Variants in KLHL18 observed in about 807,000 individuals in gnomAD.
KLHL18 encodes the protein kelch like family member 18.
KLHL18 carries 38 observed loss-of-function variants against 58.5 expected under a neutral mutation model. The ratio of observed to expected loss-of-function variants is 0.65; its 90% CI spans 0.50 to 0.85. The LOEUF (loss-of-function observed/expected upper bound fraction) is 0.85. Among genes scored for constraint, KLHL18 ranks in the 40% least tolerant of loss-of-function variants. The pLI is 0.00. For synonymous variants in KLHL18, 303 were observed against 301.9 expected, an observed-to-expected ratio of 1.00 and a Z score of -0.04; for missense variants, 624 against 778.4, an observed-to-expected ratio of 0.80 and a Z score of 2.36.
At position 47,330,077 on chromosome 3, in the gene KLHL18, C is replaced by G. The variant is rs1703819709; in HGVS notation, c.528C>G (p.Phe176Leu). 1 of 1,614,042 alleles carries G rather than the reference C, an allele frequency of 6.2e-7. No homozygotes were observed. Among genetic ancestry groups the G allele is most frequent in the Non-Finnish European group, 8.5e-7 (1 of 1,180,048 alleles). The change falls in exon 4 of 10, where the codon TTC becomes TTG. Residue 176 changes from phenylalanine to leucine, a missense_variant. By Grantham distance (22) the Phe-to-Leu change is conservative (BLOSUM62 0). Transcript: ENST00000232766. ...TGGAGGTGTCCATGTCAGAAGAGTT[C>G]CTGGCCCTGCCCTTGGAAGACGTGC... Reference protein sequence around the residue: ...HFVEVSMSEEFLALPLEDVLE... With the variant: ...HFVEVSMSEELLALPLEDVLE...
At chr3:47,336,246 G>A (rs1200290761) in intron 6 of KLHL18, among the ~76,000 whole-genome samples, 1 of 152,162 alleles carries the variant, frequency 6.6e-6, no homozygotes, top group East Asian at 1.9e-4. Context: ...AGGAAATATT[G>A]TATCGATTCA....
At chr3:47,291,060 C>T (rs1216258271) in intron 1 of KLHL18, among the ~76,000 whole-genome samples, 1 of 152,192 alleles carries the variant, frequency 6.6e-6, no homozygotes, top group African/African-American at 2.4e-5. Flanking sequence ...GGCTGGCTGA[C>T]TGGCTCGCCA....
intron 7 of KLHL18, among the ~76,000 whole-genome samples, chr3:47,340,238 G>A (rs745697142): frequency 6.6e-6 from 1 of 152,182 alleles, no homozygotes; most frequent in South Asian, 2.1e-4. Flanking sequence ...GTGGGAAAGA[G>A]TAATTCTTAC....
intron 1 of KLHL18, among the ~76,000 whole-genome samples, chr3:47,297,874 G>A (rs1242656764): frequency 6.6e-6 from 1 of 152,184 alleles, no homozygotes; most frequent in Non-Finnish European, 1.5e-5. Context: ...GTGTGCTGTA[G>A]TGGACGCTTG....
chr3:47,326,064 C>T (rs1335607281), intron 3 of KLHL18, among the ~76,000 whole-genome samples: 5 of 152,222 alleles, frequency 3.3e-5, no homozygotes, highest in Non-Finnish European at 7.3e-5. Context: ...TCTCCTGCCT[C>T]AGCCTCCGGA....
intron 3 of KLHL18, among the ~76,000 whole-genome samples, chr3:47,323,292 A>T (rs369184254): frequency 1.3e-5 from 2 of 152,068 alleles, no homozygotes; most frequent in East Asian, 3.9e-4. Context: ...TGGTTTTGCC[A>T]TGTTGCCCAG....
chr3:47,282,980 C>A lies in KLHL18; in HGVS notation c.15C>A (p.Gly5=), dbSNP rs760875559. ...GGCCGGGGAAGATGGTGGAGGACGG[C>A]GCGGAGGAGCTGGAGGATCTGGTGC... MVED[G]AEELEDLVHF... Residue 5 remains glycine, a synonymous_variant, in exon 1 of 10, where the codon GGC becomes GGA. Coordinates refer to ENST00000232766, the MANE Select transcript of KLHL18 (RefSeq NM_025010.5). 6.2e-7 allele frequency: 1 copy of A among 1,610,502 alleles called. No homozygotes were observed. Among genetic ancestry groups the A allele is most frequent in the Non-Finnish European group, 8.5e-7 (1 of 1,178,736 alleles).
chr3:47,308,128 A>T (rs1431649202), intron 1 of KLHL18, among the ~76,000 whole-genome samples: 1 of 152,130 alleles, frequency 6.6e-6, no homozygotes, highest in Non-Finnish European at 1.5e-5. Context: ...ATGCACTTTC[A>T]GCATCCTTTG....
intron 1 of KLHL18, among the ~76,000 whole-genome samples, chr3:47,310,486 C>T (rs1023521372): frequency 6.6e-6 from 1 of 152,172 alleles, no homozygotes; most frequent in African/African-American, 2.4e-5. Flanking sequence ...CGAGTTCTCT[C>T]CCTGAATGAT....
Position 47,330,136 on chromosome 3 carries a change from A to C in KLHL18, c.587A>C (p.Lys196Thr). 1 of 1,614,126 alleles carries C rather than the reference A, an allele frequency of 6.2e-7. No individual in the cohort carries two copies. The highest frequency in any genetic ancestry group is 2.2e-5 in the East Asian group (1 of 44,886). Reference protein sequence around the residue: ...ELVSRDELNVKSEEQVFEAAL... With the variant: ...ELVSRDELNVTSEEQVFEAAL... ...GTGTCTCGGGATGAGCTGAATGTCA[A>C]ATCTGAGGAGCAGGTATGTGAGCCC... The change falls in exon 4 of 10, where the codon AAA (lysine) becomes ACA (threonine). Residue 196 changes from lysine (K) to threonine (T), a missense_variant. By Grantham distance (78) the Lys-to-Thr change is moderately conservative (BLOSUM62 -1). Transcript: ENST00000232766.
intron 7 of KLHL18, chr3:47,338,681 G>C (rs889776145): frequency 6.6e-6 from 1 of 152,226 alleles, no homozygotes; most frequent in Non-Finnish European, 1.5e-5. Flanking sequence ...AATTAGCCAG[G>C]CATGGTGGCG....
At chr3:47,331,069 G>A (rs542620090) in intron 4 of KLHL18, among the ~76,000 whole-genome samples, 80 of 152,156 alleles carry the variant, frequency 5.3e-4, no homozygotes, top group African/African-American at 1.8e-3. Flanking sequence ...TTGTTCTAAG[G>A]AAGAACAGAA....
At chr3:47,325,890 T>C (rs530372376) in intron 3 of KLHL18, among the ~76,000 whole-genome samples, 15 of 151,862 alleles carry the variant, frequency 9.9e-5, no homozygotes, top group Admixed American at 9.8e-4. Flanking sequence ...TGCCTCAGCC[T>C]CCGGAGTAGC....
At chr3:47,342,876 T>G (rs200390201) in intron 9 of KLHL18, 46 bp downstream of exon 9, 15 of 1,376,162 alleles carry the variant, frequency 1.1e-5, no homozygotes, top group Non-Finnish European at 1.6e-5. Context: ...CTTCTGTCTT[T>G]GAGATTTATT....
rs1704173363 is a variant in KLHL18 at position 47,344,040 on chromosome 3, G to A, written c.*99G>A. 6.8e-7 allele frequency: 1 copy of A among 1,479,164 alleles called. No individual in the cohort carries two copies. Among genetic ancestry groups the A allele is most frequent in the South Asian group, 1.2e-5 (1 of 81,280 alleles). The allele number at this position is 1,479,164 out of a possible 1,614,324, so 91.6% of individuals were successfully genotyped here. On this transcript the variant is annotated 3_prime_UTR_variant, in exon 10 of 10. Transcript: ENST00000232766. ...GGAGAGGCAGTGGACCAGAAGAGAT[G>A]GCGAAACGTGAGCTCGCCGGAGGTA...
chr3:47,298,604 A>G (rs1702948580), intron 1 of KLHL18, among the ~76,000 whole-genome samples: 1 of 152,178 alleles, frequency 6.6e-6, no homozygotes, highest in Admixed American at 6.5e-5. Context: ...AGTTAGTTAT[A>G]TCAGGCCACC....
In KLHL18 at chr3:47,334,392, G is replaced by A. The variant is rs1194448660; in HGVS notation, c.762-291G>A. Among the ~76,000 whole-genome samples the A allele has an allele frequency of 6.6e-6, 1 of 152,202 alleles. No homozygotes were observed. The highest frequency in any genetic ancestry group is 1.9e-4 in the East Asian group (1 of 5,196). On this transcript the variant is annotated intron_variant, in intron 5 of 9. Coordinates refer to ENST00000232766, the MANE Select transcript of KLHL18 (RefSeq NM_025010.5). This position sits in a 1 kb window ranked among gnomAD's most constrained non-coding sequence, Gnocchi z 4.7. Reference sequence around the variant, plus strand: ...AGTGGCAACAGGGTGCATGCTGCTTGTCGAAACTCCCAGGTCCAGCCATTT... The same window carrying A: ...AGTGGCAACAGGGTGCATGCTGCTTATCGAAACTCCCAGGTCCAGCCATTT...
rs58734806 is a variant in KLHL18 at position 47,331,359 on chromosome 3, C to T, written c.600+1210C>T. On this transcript the variant is annotated intron_variant, in intron 4 of 9. Coordinates refer to ENST00000232766, the MANE Select transcript of KLHL18 (RefSeq NM_025010.5). The stretch of plus-strand genomic sequence containing the variant: ...CCAGGCTGGTCTTGAACTCTGGCCT[C>T]ACATGATCCTCTCACCTTGGCCTCC... 9.4e-5 allele frequency among the ~76,000 whole-genome samples: 14 copies of T among 149,726 alleles called. No individual in the cohort carries two copies. The East Asian group carries it at 2.8e-3, about 30-fold the overall frequency.
Position 47,334,572 on chromosome 3 carries a change from C to T in KLHL18, c.762-111C>T. 2.3e-6 allele frequency: 3 copies of T among 1,280,634 alleles called. No homozygotes were observed. The highest frequency in any genetic ancestry group is 3.3e-6 in the Non-Finnish European group (3 of 905,398). The allele number at this position is 1,280,634 out of a possible 1,614,324, so 79.3% of individuals were successfully genotyped here. The stretch of plus-strand genomic sequence containing the variant: ...TGAGACCAGACCTTCCAGAAGGCTT[C>T]TCCTCCCAGGTTTCCCCTGCAGTTG... On this transcript the variant is annotated intron_variant, in intron 5 of 9. Coordinates refer to ENST00000232766, the MANE Select transcript of KLHL18 (RefSeq NM_025010.5). The surrounding 1 kb of genome is among the most constrained non-coding windows in gnomAD (Gnocchi z 4.7).
Sources: gnomAD v4.1 joint callset for allele counts (sites outside exome capture counted in the v4.1 genomes callset) on GRCh38, gnomAD v4.1.1 for gene constraint, Gnocchi (gnomAD v3.1) non-coding constraint, MANE v1.5 for transcripts, NCBI Gene and HGNC (gene_info 2026-07-23, HGNC 2026-07-21) for gene names.